GPR158: variants seen among roughly 807,000 people sequenced by gnomAD.
GPR158 encodes the protein metabotropic glycine receptor.
Under a neutral mutation model 78.2 loss-of-function variants are expected in GPR158, and 30 were observed. The ratio of observed to expected loss-of-function variants is 0.38; its 90% CI spans 0.29 to 0.52. The LOEUF (loss-of-function observed/expected upper bound fraction) is 0.52. Among genes scored for constraint, GPR158 ranks in the 20% least tolerant of loss-of-function variants. The pLI, the probability that GPR158 is intolerant of heterozygous loss-of-function variation, is 0.83. For synonymous variants in GPR158, 581 were observed against 591.1 expected, an observed-to-expected ratio of 0.98 and a Z score of 0.25; for missense variants, 1,463 against 1,523.5, an observed-to-expected ratio of 0.96 and a Z score of 0.66.
intron 5 of GPR158, among the ~76,000 whole-genome samples, chr10:25,489,912 A>G (rs1835781915): frequency 2.0e-5 from 3 of 152,206 alleles, no homozygotes; most frequent in Admixed American, 1.3e-4. Flanking sequence ...TAGAAAATAT[A>G]GAAGACTATC....
intron 7 of GPR158, among the ~76,000 whole-genome samples, chr10:25,582,798 C>T (rs1315560142): frequency 6.6e-6 from 1 of 152,196 alleles, no homozygotes; most frequent in African/African-American, 2.4e-5. Context: ...TGCCCGGGTC[C>T]ATTCAACAGA....
intron 2 of GPR158, among the ~76,000 whole-genome samples, chr10:25,293,489 G>C (rs536842378): frequency 6.6e-6 from 1 of 152,158 alleles, no homozygotes; most frequent in Non-Finnish European, 1.5e-5. Flanking sequence ...CTCTCAAAAA[G>C]GGTTAGCCAT....
At chr10:25,425,007 T>C (rs959972426) in intron 4 of GPR158, among the ~76,000 whole-genome samples, 2 of 152,206 alleles carry the variant, frequency 1.3e-5, no homozygotes, top group African/African-American at 4.8e-5. Flanking sequence ...TGATTCTTCC[T>C]ACCCATGAGC....
At chr10:25,336,316 A>G (rs1438083354) in intron 2 of GPR158, among the ~76,000 whole-genome samples, 2 of 152,104 alleles carry the variant, frequency 1.3e-5, no homozygotes, top group African/African-American at 4.8e-5. Context: ...TAATAGCATG[A>G]CAAATATTAT....
intron 6 of GPR158, 57 bp downstream of exon 6, chr10:25,551,142 C>T: frequency 1.0e-6 from 1 of 982,936 alleles, no homozygotes. Context: ...ATCAGCTTGG[C>T]ACATAATTGT....
Position 25,435,666 on chromosome 10 carries a change from C to T in GPR158, c.1335+23193C>T, listed in dbSNP as rs553284669. 3.9e-5 allele frequency among the ~76,000 whole-genome samples: 6 copies of T among 152,254 alleles called. No individual in the cohort carries two copies. The South Asian group carries it at 1.0e-3, about 26-fold the overall frequency. ...ATTTGAAGTGCAGTCAGAAGCCACT[C>T]AAGGATTTGAAGCAAGGGAATAGAG... is the stretch of plus-strand genomic sequence containing the variant. On this transcript the variant is annotated intron_variant, in intron 4 of 10. Transcript: ENST00000376351.
intron 6 of GPR158, among the ~76,000 whole-genome samples, chr10:25,568,412 G>A (rs1446187458): frequency 6.6e-6 from 1 of 152,180 alleles, no homozygotes; most frequent in Non-Finnish European, 1.5e-5. Context: ...TAGCCAAGAA[G>A]TAGGAAGAAA....
chr10:25,250,792 G>A (rs1301721597), intron 2 of GPR158, among the ~76,000 whole-genome samples: 2 of 148,322 alleles, frequency 1.3e-5, no homozygotes, highest in African/African-American at 2.5e-5. Context: ...ATATTCTGTT[G>A]ATTTGGGGTG....
chr10:25,306,985 A>C (rs937971294), intron 2 of GPR158, among the ~76,000 whole-genome samples: 13 of 146,604 alleles, frequency 8.9e-5, no homozygotes, highest in African/African-American at 3.4e-4. Flanking sequence ...GGAGAGAGTC[A>C]CACACACACA....
intron 1 of GPR158, among the ~76,000 whole-genome samples, chr10:25,213,232 T>C (rs1255451553): frequency 1.3e-5 from 2 of 152,190 alleles, no homozygotes; most frequent in East Asian, 3.9e-4. Context: ...GTAAGCATTC[T>C]TGCCTTAAAG....
chr10:25,537,343 A>G (rs769667110), intron 5 of GPR158, among the ~76,000 whole-genome samples: 9 of 152,314 alleles, frequency 5.9e-5, no homozygotes, highest in African/African-American at 1.9e-4. Context: ...GCATAAGACC[A>G]TATACTTCTT....
chr10:25,229,615 T>C (rs1053551549), intron 2 of GPR158, among the ~76,000 whole-genome samples: 2 of 152,222 alleles, frequency 1.3e-5, no homozygotes, highest in Non-Finnish European at 2.9e-5. Flanking sequence ...TAGTATTTGG[T>C]AAAACTGGGA....
At chr10:25,564,496 G>A (rs1836903153) in intron 6 of GPR158, among the ~76,000 whole-genome samples, 1 of 152,110 alleles carries the variant, frequency 6.6e-6, no homozygotes, top group African/African-American at 2.4e-5. Flanking sequence ...TTAGATAAAT[G>A]ACACCCGTTA....
chr10:25,513,078 A>G (rs985379822), intron 5 of GPR158, among the ~76,000 whole-genome samples: 13 of 151,830 alleles, frequency 8.6e-5, no homozygotes, highest in Non-Finnish European at 1.5e-4. Context: ...CTCTTTCTCT[A>G]TCTTTTGGGA....
intron 5 of GPR158, among the ~76,000 whole-genome samples, chr10:25,472,345 A>G (rs1336581190): frequency 1.3e-5 from 2 of 152,134 alleles, no homozygotes; most frequent in Admixed American, 1.3e-4. Flanking sequence ...TACCAGTACC[A>G]TGCTGTTTTG....
At chr10:25,240,001 T>C (rs560360193) in intron 2 of GPR158, among the ~76,000 whole-genome samples, 1 of 152,324 alleles carries the variant, frequency 6.6e-6, no homozygotes, top group South Asian at 2.1e-4. Flanking sequence ...TTACAATCTT[T>C]GTGGGAAGAT....
chr10:25,254,079 A>G (rs1853855290), intron 2 of GPR158, among the ~76,000 whole-genome samples: 1 of 152,216 alleles, frequency 6.6e-6, no homozygotes, highest in African/African-American at 2.4e-5. Flanking sequence ...CATTAAAGAT[A>G]ACTTCTGTGG....
intron 2 of GPR158, among the ~76,000 whole-genome samples, chr10:25,325,686 ATACCATTT>A (rs1855020012): frequency 1.3e-5 from 2 of 152,144 alleles, no homozygotes; most frequent in Non-Finnish European, 2.9e-5. Flanking sequence ...AGGAGCTTTC[ATACCATTT>A]TTTATAGTGG....
intron 2 of GPR158, among the ~76,000 whole-genome samples, chr10:25,359,170 C>T (rs374281113): frequency 6.6e-5 from 10 of 151,872 alleles, no homozygotes; most frequent in Non-Finnish European, 8.8e-5. Context: ...AATATTGTTA[C>T]GCCTTCTTGA....
Sources: gnomAD v4.1 joint callset for allele counts (sites outside exome capture counted in the v4.1 genomes callset) on GRCh38, gnomAD v4.1.1 for gene constraint, MANE v1.5 for transcripts, NCBI Gene and HGNC (gene_info 2026-07-23, HGNC 2026-07-21) for gene names.